The following MICAL2 variants were observed in gnomAD, a reference collection of about 807,000 sequenced individuals.
MICAL2 encodes microtubule associated monooxygenase, calponin and LIM domain containing 2.
Under a neutral mutation model 127.3 loss-of-function variants are expected in MICAL2, and 77 were observed. The observed-to-expected ratio is 0.60, with a 90% CI of 0.50 to 0.73. The LOEUF is 0.73. MICAL2 is among the 30% of genes least tolerant of loss of function. The pLI is 0.00. For missense variants in MICAL2, 1,351 were observed against 1,434.4 expected (o/e 0.94, Z 0.94); for synonymous variants, 570 against 551.1 (o/e 1.03, Z -0.48).
chr11:12,245,286 T>A (rs1860577361), intron 21 of MICAL2, among the ~76,000 whole-genome samples: 1 of 152,070 alleles, frequency 6.6e-6, no homozygotes, highest in African/African-American at 2.4e-5. Flanking sequence ...CGAGGCTCTG[T>A]GTGTCATGCT....
downstream of MICAL2, among the ~76,000 whole-genome samples, chr11:12,266,515 G>A (rs1168318346): frequency 1.3e-5 from 2 of 152,210 alleles, no homozygotes; most frequent in African/African-American, 2.4e-5. Context: ...TGTTATATAG[G>A]GAACATTTTC....
intron 3 of MICAL2, among the ~76,000 whole-genome samples, chr11:12,171,875 A>G (rs1565092281): frequency 2.6e-5 from 4 of 152,226 alleles, no homozygotes. Context: ...TTGTAATAAT[A>G]TATTTTATTT....
At chr11:12,223,591 GC>G in intron 12 of MICAL2, 90 bp downstream of exon 12, 1 of 1,162,980 alleles carries the variant, frequency 8.6e-7, no homozygotes, top group East Asian at 2.4e-5. Context: ...CACAGGCACT[GC>G]AACCAGCCTG....
chr11:12,219,833 A>G (rs1306677386), intron 8 of MICAL2, among the ~76,000 whole-genome samples: 5 of 152,174 alleles, frequency 3.3e-5, no homozygotes, highest in East Asian at 1.9e-4. Context: ...ACAACTCTCA[A>G]CGCGCCCTGT....
At chr11:12,239,787 G>A (rs1416688605) in intron 17 of MICAL2, among the ~76,000 whole-genome samples, 1 of 152,216 alleles carries the variant, frequency 6.6e-6, no homozygotes, top group Non-Finnish European at 1.5e-5. Flanking sequence ...TACTGTCTCT[G>A]TTACAACTCT....
intron 1 of MICAL2, among the ~76,000 whole-genome samples, chr11:12,279,485 A>C (rs1863750687): frequency 6.6e-6 from 1 of 152,182 alleles, no homozygotes; most frequent in Non-Finnish European, 1.5e-5. Context: ...CCTGCCCTGG[A>C]TCACACAGCC....
intron 22 of MICAL2, 62 bp downstream of exon 22, chr11:12,249,308 C>T: frequency 1.1e-6 from 1 of 947,344 alleles, no homozygotes. Flanking sequence ...ATCAGACCCA[C>T]CTGCAGGGCT....
At chr11:12,294,067 G>A, downstream of MICAL2, 2 of 1,614,160 alleles carry the variant, frequency 1.2e-6, no homozygotes, top group Middle Eastern at 1.6e-4. Context: ...GAATTTCCCA[G>A]AAAAGTGCTG....
rs529169635 is a variant in MICAL2, at chr11:12,202,492, A to G, written c.265-1758A>G. Among the ~76,000 whole-genome samples, 220 of 152,318 alleles carry G rather than the reference A, an allele frequency of 1.4e-3. 3 individuals carry two copies. Among genetic ancestry groups the G allele is most frequent in the Middle Eastern group, 3.4e-3 (1 of 294 alleles). ...TGAGGATTAAGAGCTAAAACACAGA[A>G]AGCACTTGAAACCGTTCAACCCACA... On this transcript the variant is annotated intron_variant, in intron 3 of 27. Transcript: ENST00000683283.
At chr11:12,266,651 G>A (rs1014788116), downstream of MICAL2, among the ~76,000 whole-genome samples, 4 of 152,232 alleles carry the variant, frequency 2.6e-5, no homozygotes, top group African/African-American at 9.6e-5. Flanking sequence ...GCAGAAGCAA[G>A]TCTAGAGCCA....
downstream of MICAL2, chr11:12,358,488 G>A (rs376277151): frequency 4.0e-5 from 65 of 1,611,964 alleles, no homozygotes; most frequent in East Asian, 5.8e-4. Flanking sequence ...GAGGAGGCCC[G>A]TAGTCCCTCT....
intron 22 of MICAL2, among the ~76,000 whole-genome samples, chr11:12,252,247 GGCTA>G (rs1861646373): frequency 6.6e-6 from 1 of 152,196 alleles, no homozygotes; most frequent in Non-Finnish European, 1.5e-5. Context: ...TGGAAGCAGG[GGCTA>G]AATTTCTTGG....
chr11:12,226,080 C>A, intron 13 of MICAL2, 91 bp from the exon 14 acceptor site: 1 of 1,250,666 alleles, frequency 8.0e-7, no homozygotes, highest in East Asian at 2.3e-5. Context: ...CAGAGTGTCA[C>A]CCTCAGTGCT....
chr11:12,211,270 A>G (rs762524189), intron 6 of MICAL2, among the ~76,000 whole-genome samples: 2 of 152,150 alleles, frequency 1.3e-5, no homozygotes, highest in Non-Finnish European at 2.9e-5. Flanking sequence ...AGTCCCAGCT[A>G]CTCGGGAGGC....
chr11:12,226,575 G>A (rs1268083669), intron 14 of MICAL2, among the ~76,000 whole-genome samples: 1 of 151,990 alleles, frequency 6.6e-6, no homozygotes, highest in African/African-American at 2.4e-5. Context: ...CTTGAGTTTG[G>A]GGTGACAGAA....
chr11:12,257,073 T>C lies in MICAL2; in HGVS notation c.3142+102T>C, dbSNP rs571956012. 212 of 1,220,292 alleles carry C rather than the reference T, an allele frequency of 1.7e-4. No homozygotes were observed. In the African/African-American group the frequency reaches 3.0e-3, roughly 17 times the overall value. The allele number at this position is 1,220,292 out of a possible 1,614,324, so 75.6% of individuals were successfully genotyped here. On this transcript the variant is annotated intron_variant, in intron 24 of 27. Coordinates refer to ENST00000683283, the MANE Select transcript of MICAL2 (RefSeq NM_001282663.2). ...CTGGTGGCTCTAGGACACCCAAACA[T>C]ACCCAAAAGGAAGTATGATGTCATC...
intron 6 of MICAL2, among the ~76,000 whole-genome samples, chr11:12,212,867 C>T (rs570719457): frequency 2.2e-4 from 34 of 152,260 alleles, no homozygotes; most frequent in Admixed American, 5.9e-4. Flanking sequence ...GGGTCAGGAG[C>T]GGTGGCACCA....
At chr11:12,362,010 G>A (rs187564444), downstream of MICAL2, among the ~76,000 whole-genome samples, 353 of 152,362 alleles carry the variant, frequency 2.3e-3, 1 homozygote, top group African/African-American at 8.2e-3. Flanking sequence ...TCACTGCTGA[G>A]TAGCTTGTAA....
At chr11:12,319,853 G>A in intron 30 of MICAL2, 1 of 1,480,454 alleles carries the variant, frequency 6.8e-7, no homozygotes, top group Non-Finnish European at 9.4e-7. Context: ...TGGCTGGTGG[G>A]GGCTGCTTAC....
Sources: allele counts gnomAD v4.1 joint callset (sites outside exome capture counted in the v4.1 genomes callset), GRCh38; gene constraint gnomAD v4.1.1; transcripts MANE v1.5; gene names NCBI Gene and HGNC (gene_info 2026-07-23, HGNC 2026-07-21).